GRM8: variants seen among roughly 807,000 people sequenced by gnomAD.
GRM8 encodes metabotropic glutamate receptor 8.
Under a neutral mutation model 87.2 loss-of-function variants are expected in GRM8, and 47 were observed. The ratio of observed to expected loss-of-function variants is 0.54; its 90% confidence interval spans 0.43 to 0.69. The LOEUF (loss-of-function observed/expected upper bound fraction) is 0.69, where lower values mean the gene tolerates loss of function less well. Among genes scored for constraint, GRM8 ranks in the 30% least tolerant of loss-of-function variants. The pLI, the probability that GRM8 is intolerant of heterozygous loss-of-function variation, is 0.00. For synonymous variants in GRM8, 396 were observed against 404.5 expected, an observed-to-expected ratio of 0.98 and a Z score of 0.25; for missense variants, 1,019 against 1,139.2, an observed-to-expected ratio of 0.89 and a Z score of 1.52.
At chr7:127,247,908 G>T (rs1798662800) in intron 1 of GRM8, among the ~76,000 whole-genome samples, 1 of 152,108 alleles carries the variant, frequency 6.6e-6, no homozygotes, top group South Asian at 2.1e-4. Context: ...TCAGTGAGAG[G>T]ATTGTGAAAG....
At chr7:126,618,638 G>T (rs1323425741) in intron 7 of GRM8, among the ~76,000 whole-genome samples, 1 of 151,858 alleles carries the variant, frequency 6.6e-6, no homozygotes, top group Non-Finnish European at 1.5e-5. Context: ...TCTGACAAAG[G>T]GCTAATATCC....
chr7:126,992,806 C>T (rs905172154), intron 3 of GRM8, among the ~76,000 whole-genome samples: 9 of 147,420 alleles, frequency 6.1e-5, no homozygotes, highest in South Asian at 2.2e-4. Flanking sequence ...TCTCTCTCTC[C>T]GTGTGTGTGT....
chr7:127,019,403 G>A (rs942360968), intron 3 of GRM8, among the ~76,000 whole-genome samples: 9 of 151,998 alleles, frequency 5.9e-5, no homozygotes, highest in Non-Finnish European at 1.2e-4. Context: ...TATAGCAAAT[G>A]GTTAGACATT....
At chr7:127,093,018 G>A (rs1824305516) in intron 3 of GRM8, among the ~76,000 whole-genome samples, 1 of 152,166 alleles carries the variant, frequency 6.6e-6, no homozygotes, top group Non-Finnish European at 1.5e-5. Flanking sequence ...TTATTCAAAT[G>A]TGTGACCCCT....
chr7:126,606,020 C>T (rs534140057), intron 8 of GRM8, among the ~76,000 whole-genome samples: 107 of 152,230 alleles, frequency 7.0e-4, no homozygotes, highest in Non-Finnish European at 1.2e-3. Flanking sequence ...ACTGAATTTC[C>T]CAAATCTATT....
At chr7:126,621,343 A>G (rs187215717) in intron 7 of GRM8, among the ~76,000 whole-genome samples, 20 of 152,268 alleles carry the variant, frequency 1.3e-4, no homozygotes, top group Admixed American at 2.6e-4. Flanking sequence ...TGGTAGTATA[A>G]TTTACTCAAC....
At chr7:126,786,926 G>T (rs1820682875) in intron 6 of GRM8, among the ~76,000 whole-genome samples, 1 of 152,128 alleles carries the variant, frequency 6.6e-6, no homozygotes, top group Non-Finnish European at 1.5e-5. Context: ...GTTATTTTCA[G>T]CATCATATTG....
chr7:127,082,264 G>C (rs1822949950), intron 3 of GRM8: 1 of 152,158 alleles, frequency 6.6e-6, no homozygotes, highest in African/African-American at 2.4e-5. Context: ...TTTGCCAAAG[G>C]GGATATAAAA....
intron 6 of GRM8, among the ~76,000 whole-genome samples, chr7:126,862,805 C>G (rs1798243339): frequency 6.6e-6 from 1 of 152,120 alleles, no homozygotes; most frequent in Non-Finnish European, 1.5e-5. Context: ...GAAATGATAT[C>G]TTTTTTTATT....
chr7:127,144,464 A>C (rs1828444733), intron 2 of GRM8, among the ~76,000 whole-genome samples: 1 of 152,088 alleles, frequency 6.6e-6, no homozygotes, highest in Admixed American at 6.6e-5. Flanking sequence ...CTGATCTATG[A>C]GATATCATTG....
intron 2 of GRM8, among the ~76,000 whole-genome samples, 177 bp downstream of exon 2, chr7:127,242,518 A>G (rs552234151): frequency 4.6e-5 from 7 of 152,200 alleles, no homozygotes; most frequent in African/African-American, 1.2e-4. Context: ...TAAGTAATGG[A>G]ACTAAACCAA....
chr7:126,576,757 G>A (rs944738116), intron 8 of GRM8, among the ~76,000 whole-genome samples: 3 of 151,982 alleles, frequency 2.0e-5, no homozygotes, highest in African/African-American at 7.3e-5. Flanking sequence ...AGGATCCTGA[G>A]CTCCTGAGTT....
chr7:126,550,672 G>A (rs1792489981), intron 8 of GRM8, among the ~76,000 whole-genome samples: 1 of 151,610 alleles, frequency 6.6e-6, no homozygotes, highest in African/African-American at 2.4e-5. Context: ...ACACAAATCT[G>A]TACTTATAAC....
intron 6 of GRM8, among the ~76,000 whole-genome samples, chr7:126,835,038 T>C (rs903678107): frequency 6.8e-6 from 1 of 147,476 alleles, no homozygotes; most frequent in Admixed American, 6.8e-5. Context: ...CTTGCACCAC[T>C]GCACTCCAGC....
At chr7:127,111,895 G>A (rs1263870551) in intron 2 of GRM8, among the ~76,000 whole-genome samples, 1 of 151,960 alleles carries the variant, frequency 6.6e-6, no homozygotes, top group Non-Finnish European at 1.5e-5. Context: ...AGGCATAGTG[G>A]TGGGCACCTG....
At chr7:127,158,241 T>TA (rs1289619234) in intron 2 of GRM8, among the ~76,000 whole-genome samples, 2 of 152,110 alleles carry the variant, frequency 1.3e-5, no homozygotes, top group Non-Finnish European at 2.9e-5. Flanking sequence ...AGGTCAGGCA[T>TA]AAAAGCCTGT....
chr7:126,921,142 A>C (rs982198602), intron 3 of GRM8, among the ~76,000 whole-genome samples: 3 of 152,160 alleles, frequency 2.0e-5, no homozygotes, highest in African/African-American at 7.2e-5. Context: ...ACATACATAG[A>C]TAACTTCAAG....
chr7:126,467,503 C>T (rs964720353), intron 9 of GRM8, among the ~76,000 whole-genome samples: 13 of 151,750 alleles, frequency 8.6e-5, no homozygotes, highest in Admixed American at 7.2e-4. Context: ...ACTAGATTTC[C>T]TTGTATATTT....
chr7:127,129,990 A>G (rs1827591687), intron 2 of GRM8, among the ~76,000 whole-genome samples: 1 of 152,052 alleles, frequency 6.6e-6, no homozygotes, highest in Non-Finnish European at 1.5e-5. Flanking sequence ...GAGGTGATTG[A>G]ATCATGGGGT....
Sources: allele counts gnomAD v4.1 joint callset (sites outside exome capture counted in the v4.1 genomes callset), GRCh38; gene constraint gnomAD v4.1.1; transcripts MANE v1.5; gene names NCBI Gene and HGNC (gene_info 2026-07-23, HGNC 2026-07-21).